Variants in SPAM1 observed in about 807,000 individuals in gnomAD.
SPAM1 encodes the protein sperm adhesion molecule 1, also known as hyaluronidase PH-20.
Under a neutral mutation model 29.6 loss-of-function variants are expected in SPAM1, and 22 were observed. That is an observed-to-expected ratio of 0.74 (90% CI 0.53 to 1.06). The LOEUF (loss-of-function observed/expected upper bound fraction) is 1.06, where lower values mean the gene tolerates loss of function less well. Among genes scored for constraint, SPAM1 ranks in the 50% least tolerant of loss-of-function variants. The pLI is 0.00. For missense variants in SPAM1, 534 were observed against 604.0 expected, an observed-to-expected ratio of 0.88 and a Z score of 1.21; for synonymous variants, 194 against 204.6, an observed-to-expected ratio of 0.95 and a Z score of 0.44.
chr7:123,955,169 T>G (rs1792222762), intron 4 of SPAM1, 83 bp downstream of exon 4: 2 of 925,378 alleles, frequency 2.2e-6, no homozygotes, highest in Non-Finnish European at 3.5e-6. Flanking sequence ...AATAAGAAAA[T>G]AAGTAGTACT....
At chr7:123,943,434 G>A (rs998199755) in intron 1 of SPAM1, among the ~76,000 whole-genome samples, 7 of 152,052 alleles carry the variant, frequency 4.6e-5, no homozygotes, top group Non-Finnish European at 5.9e-5. Context: ...TACTTCTGTG[G>A]CATACAACAA....
At chr7:123,932,688 C>G (rs1431056844) in intron 1 of SPAM1, among the ~76,000 whole-genome samples, 2 of 152,210 alleles carry the variant, frequency 1.3e-5, no homozygotes, top group Non-Finnish European at 2.9e-5. Context: ...TATCTATACC[C>G]AAAGAACTCG....
chr7:123,936,912 G>A (rs1359738471), intron 1 of SPAM1, among the ~76,000 whole-genome samples: 1 of 152,148 alleles, frequency 6.6e-6, no homozygotes, highest in Non-Finnish European at 1.5e-5. Flanking sequence ...CTTGCTCTGA[G>A]TTTCTACAAT....
intron 2 of SPAM1, among the ~76,000 whole-genome samples, chr7:123,951,649 T>C (rs1445847567): frequency 6.6e-6 from 1 of 152,026 alleles, no homozygotes; most frequent in Non-Finnish European, 1.5e-5. Flanking sequence ...TGAGACAGAG[T>C]CTCATTCTGT....
At chr7:123,951,175 C>A (rs1436030861) in intron 2 of SPAM1, among the ~76,000 whole-genome samples, 2 of 152,064 alleles carry the variant, frequency 1.3e-5, no homozygotes, top group Non-Finnish European at 2.9e-5. Context: ...GTCATAGGCA[C>A]AATTAGCAAA....
chr7:123,940,371 T>A (rs1028569186), intron 1 of SPAM1, among the ~76,000 whole-genome samples: 7 of 152,172 alleles, frequency 4.6e-5, no homozygotes, highest in Non-Finnish European at 8.8e-5. Flanking sequence ...TACAAAGATA[T>A]TTTGGACATA....
chr7:123,930,779 C>T lies in SPAM1; in HGVS notation c.-319+5427C>T, dbSNP rs561463842. 1.8e-4 allele frequency among the ~76,000 whole-genome samples: 28 copies of T among 152,206 alleles called. No homozygotes were observed. The East Asian group carries it at 3.3e-3, about 18-fold the overall frequency. On this transcript the variant is annotated intron_variant, in intron 1 of 4. Transcript: ENST00000682466. Reference sequence around the variant, plus strand: ...GATGGTCTGGTCGTGGAGAACTGGACGGGAGAACTGCTCCCATTTGTAAAA... The same window carrying T: ...GATGGTCTGGTCGTGGAGAACTGGATGGGAGAACTGCTCCCATTTGTAAAA...
intron 4 of SPAM1, among the ~76,000 whole-genome samples, chr7:123,955,781 A>G (rs1323500618): frequency 1.3e-5 from 2 of 152,026 alleles, no homozygotes; most frequent in South Asian, 2.1e-4. Flanking sequence ...CCTATTTTGC[A>G]TAACTCTTTT....
intron 1 of SPAM1, among the ~76,000 whole-genome samples, chr7:123,946,787 TATAAA>T (rs1227695311): frequency 6.6e-6 from 1 of 152,166 alleles, no homozygotes; most frequent in Non-Finnish European, 1.5e-5. Context: ...TGCATTTTTA[TATAAA>T]CAATAAGGTA....
At chr7:123,961,311 T>C (rs140912378), downstream of SPAM1, among the ~76,000 whole-genome samples, 115 of 152,042 alleles carry the variant, frequency 7.6e-4, no homozygotes, top group African/African-American at 2.5e-3. Context: ...CCTCTCCCTA[T>C]CCTTCTCTCC....
chr7:123,966,109 G>T (rs1792421428), intron 5 of SPAM1, among the ~76,000 whole-genome samples: 3 of 152,102 alleles, frequency 2.0e-5, no homozygotes, highest in South Asian at 2.1e-4. Flanking sequence ...AGTGGGCAAA[G>T]GATATGAACA....
At chr7:123,960,891 A>G (rs1218177265), downstream of SPAM1, among the ~76,000 whole-genome samples, 1 of 151,980 alleles carries the variant, frequency 6.6e-6, no homozygotes, top group African/African-American at 2.4e-5. Flanking sequence ...AGCTCTAAAA[A>G]GCAATAAAAA....
intron 1 of SPAM1, among the ~76,000 whole-genome samples, chr7:123,938,489 A>C (rs368973248): frequency 6.6e-6 from 1 of 152,316 alleles, no homozygotes; most frequent in East Asian, 1.9e-4. Flanking sequence ...TATCTTTTGA[A>C]GGTGAGCTAA....
chr7:123,969,639 T>A (rs1477459314), intron 5 of SPAM1, among the ~76,000 whole-genome samples: 1 of 152,110 alleles, frequency 6.6e-6, no homozygotes, highest in Non-Finnish European at 1.5e-5. Flanking sequence ...CCTGTTTTGT[T>A]GGTCTATGTG....
At chr7:123,957,835 C>T (rs1792279988) in intron 4 of SPAM1, among the ~76,000 whole-genome samples, 1 of 151,992 alleles carries the variant, frequency 6.6e-6, no homozygotes, top group African/African-American at 2.4e-5. Context: ...CAGTACATTC[C>T]TTAGCTCATG....
chr7:123,967,316 A>G (rs942531408), intron 5 of SPAM1, among the ~76,000 whole-genome samples: 1 of 152,036 alleles, frequency 6.6e-6, no homozygotes, highest in African/African-American at 2.4e-5. Flanking sequence ...TAAAATCACT[A>G]TATGCATAAT....
At chr7:123,956,660 A>G (rs945873288) in intron 4 of SPAM1, among the ~76,000 whole-genome samples, 2 of 152,038 alleles carry the variant, frequency 1.3e-5, no homozygotes, top group Admixed American at 1.3e-4. Context: ...ATTATGTTAA[A>G]AACAGGTGAC....
intron 1 of SPAM1, among the ~76,000 whole-genome samples, chr7:123,934,005 T>C (rs1047221073): frequency 4.6e-5 from 7 of 152,168 alleles, no homozygotes; most frequent in African/African-American, 1.2e-4. Flanking sequence ...TTTAGACACA[T>C]GAATACCTAC....
chr7:123,969,467 T>A (rs917755836), intron 5 of SPAM1, among the ~76,000 whole-genome samples: 23 of 152,146 alleles, frequency 1.5e-4, no homozygotes, highest in African/African-American at 5.5e-4. Context: ...TTTTTGTATA[T>A]GTTGAGAGAT....
Sources: gnomAD v4.1 joint callset for allele counts (sites outside exome capture counted in the v4.1 genomes callset) on GRCh38, gnomAD v4.1.1 for gene constraint, MANE v1.5 for transcripts, NCBI Gene and HGNC (gene_info 2026-07-23, HGNC 2026-07-21) for gene names.